Variants in RALGPS1 observed in about 807,000 individuals in gnomAD.
RALGPS1 encodes the protein Ral GEF with PH domain and SH3 binding motif 1.
RALGPS1 carries 19 observed loss-of-function variants against 78.8 expected under a neutral mutation model. The ratio of observed to expected loss-of-function variants is 0.24; its 90% confidence interval spans 0.17 to 0.35. The LOEUF is 0.35. RALGPS1 is among the 10% of genes least tolerant of loss of function. The pLI, the probability that RALGPS1 is intolerant of heterozygous loss-of-function variation, is 1.00. For synonymous variants in RALGPS1, 228 were observed against 256.3 expected, an observed-to-expected ratio of 0.89 and a Z score of 1.06; for missense variants, 454 against 688.3, an observed-to-expected ratio of 0.66 and a Z score of 3.81.
chr9:127,206,159 C>T (rs993915071), intron 14 of RALGPS1, among the ~76,000 whole-genome samples: 24 of 152,300 alleles, frequency 1.6e-4, no homozygotes, highest in Middle Eastern at 3.4e-3. Context: ...GGTGCGCAGG[C>T]GCAGGTGGAC....
intron 5 of RALGPS1, among the ~76,000 whole-genome samples, chr9:127,045,730 T>TACACAC (rs60442898): frequency 3.5e-5 from 5 of 141,390 alleles, no homozygotes; most frequent in Admixed American, 2.1e-4. Context: ...CATGGGTTAG[T>TACACAC]ACACACACAC....
At chr9:127,206,503 C>T (rs1564794108) in intron 14 of RALGPS1, among the ~76,000 whole-genome samples, 1 of 152,152 alleles carries the variant, frequency 6.6e-6, no homozygotes, top group Non-Finnish European at 1.5e-5. Flanking sequence ...CTTGTGAGAA[C>T]TCACTCACTA....
At chr9:126,946,808 T>C (rs2037317915) in intron 1 of RALGPS1, among the ~76,000 whole-genome samples, 1 of 151,990 alleles carries the variant, frequency 6.6e-6, no homozygotes, top group Admixed American at 6.6e-5. Context: ...CCCACAAATA[T>C]CCCCTGGCCT....
chr9:127,183,876 T>C lies in RALGPS1; in HGVS notation c.910+9094T>C, dbSNP rs2060454077. 3.2e-6 allele frequency: 5 copies of C among 1,548,990 alleles called. No homozygotes were observed. The highest frequency in any genetic ancestry group is 4.4e-6 in the Non-Finnish European group (5 of 1,146,776). On this transcript the variant is annotated intron_variant, in intron 11 of 18. Coordinates refer to ENST00000259351, the MANE Select transcript of RALGPS1 (RefSeq NM_014636.3). This position sits in a 1 kb window ranked among gnomAD's most constrained non-coding sequence, Gnocchi z 4.0. ...CTCCTTTGTTCTTGAGTCTCCCATC[T>C]CAGCAGCCTGTCACATCAAGGTCAA... is the stretch of plus-strand genomic sequence containing the variant.
intron 4 of RALGPS1, among the ~76,000 whole-genome samples, chr9:127,020,088 AT>A (rs1005773543): frequency 5.3e-5 from 8 of 151,032 alleles, no homozygotes; most frequent in South Asian, 2.1e-4. Flanking sequence ...AAGTTTGGGG[AT>A]TTTTTTTTCC....
chr9:127,049,354 G>A (rs1380856394), intron 5 of RALGPS1, among the ~76,000 whole-genome samples: 1 of 152,198 alleles, frequency 6.6e-6, no homozygotes, highest in East Asian at 1.9e-4. Context: ...AGGGGTTCAG[G>A]CTGTTGCAGT....
intron 4 of RALGPS1, among the ~76,000 whole-genome samples, chr9:127,005,604 C>G (rs2043761347): frequency 6.6e-6 from 1 of 152,114 alleles, no homozygotes; most frequent in African/African-American, 2.4e-5. Context: ...GAACAGAAAG[C>G]TGCTTCGACT....
At chr9:126,993,230 A>G (rs2031852) in intron 4 of RALGPS1, among the ~76,000 whole-genome samples, 110,483 of 152,130 alleles carry the variant, frequency 0.73, 40,344 homozygotes, top group East Asian at 0.81. Flanking sequence ...AACCCCACTT[A>G]GTTATGATGA....
intron 11 of RALGPS1, among the ~76,000 whole-genome samples, chr9:127,194,433 GA>G (rs1220510627): frequency 6.6e-6 from 1 of 152,116 alleles, no homozygotes; most frequent in Non-Finnish European, 1.5e-5. Flanking sequence ...TTTTTTTGGG[GA>G]CGGAGTCTCA....
At chr9:127,191,865 T>C (rs2061073556) in intron 11 of RALGPS1, among the ~76,000 whole-genome samples, 1 of 151,930 alleles carries the variant, frequency 6.6e-6, no homozygotes, top group African/African-American at 2.4e-5. Flanking sequence ...GCCCGGCTAA[T>C]TTTTTGTATT....
intron 8 of RALGPS1, chr9:127,108,189 G>A: frequency 6.2e-7 from 1 of 1,614,140 alleles, no homozygotes; most frequent in South Asian, 1.1e-5. Flanking sequence ...GCTGGTACTT[G>A]TGCTCCAGGT....
intron 8 of RALGPS1, among the ~76,000 whole-genome samples, chr9:127,112,020 C>A (rs1322570399): frequency 6.6e-6 from 1 of 152,208 alleles, no homozygotes; most frequent in Non-Finnish European, 1.5e-5. Context: ...CCAGTGAGGA[C>A]CCTGGGTCTG....
chr9:126,990,524 C>T (rs560406739), intron 4 of RALGPS1, among the ~76,000 whole-genome samples: 1 of 152,344 alleles, frequency 6.6e-6, no homozygotes, highest in South Asian at 2.1e-4. Context: ...TCTCCTGCTC[C>T]AGTTCACCAC....
chr9:126,927,783 T>G (rs938471692), intron 1 of RALGPS1, among the ~76,000 whole-genome samples: 1 of 152,228 alleles, frequency 6.6e-6, no homozygotes, highest in Non-Finnish European at 1.5e-5. Context: ...AGGATGGATC[T>G]GCAACCTCAG....
intron 5 of RALGPS1, among the ~76,000 whole-genome samples, chr9:127,035,971 G>A (rs1228142385): frequency 1.3e-5 from 2 of 152,092 alleles, no homozygotes. Flanking sequence ...TATTTGACTG[G>A]GAGCCAACTC....
chr9:126,934,475 AG>A (rs1333890701), intron 1 of RALGPS1, among the ~76,000 whole-genome samples: 2 of 152,158 alleles, frequency 1.3e-5, no homozygotes, highest in Non-Finnish European at 1.5e-5. Flanking sequence ...TACTGGGTAC[AG>A]GGGAGCCGGG....
chr9:127,080,039 C>G lies in RALGPS1; in HGVS notation c.610+10683C>G, dbSNP rs184133955. ...GCAACAGGACGTGCTGGACTCCTCT[C>G]GAAAGCTAGTTTTGAGGTGGGGGGA... On this transcript the variant is annotated intron_variant, in intron 8 of 18. Coordinates refer to ENST00000259351, the MANE Select transcript of RALGPS1 (RefSeq NM_014636.3). Among the ~76,000 whole-genome samples, 28 of 152,282 alleles carry G rather than the reference C, an allele frequency of 1.8e-4. No homozygotes were observed. The East Asian group carries it at 5.2e-3, about 28-fold the overall frequency.
intron 1 of RALGPS1, among the ~76,000 whole-genome samples, chr9:126,957,373 G>A (rs1481328214): frequency 7.0e-6 from 1 of 141,886 alleles, no homozygotes; most frequent in Non-Finnish European, 1.6e-5. Context: ...TGAGCTCCAT[G>A]TCTGGGCTCC....
intron 7 of RALGPS1, among the ~76,000 whole-genome samples, chr9:127,054,458 C>T (rs990131932): frequency 6.6e-6 from 1 of 152,182 alleles, no homozygotes; most frequent in Non-Finnish European, 1.5e-5. Context: ...ATAGTTAATA[C>T]AGAGGGCTGG....
Sources: gnomAD v4.1 joint callset for allele counts (sites outside exome capture counted in the v4.1 genomes callset) on GRCh38, gnomAD v4.1.1 for gene constraint, Gnocchi (gnomAD v3.1) non-coding constraint, MANE v1.5 for transcripts, NCBI Gene and HGNC (gene_info 2026-07-23, HGNC 2026-07-21) for gene names.